Variants in CYP39A1 observed in about 807,000 individuals in gnomAD.
CYP39A1 encodes 24-hydroxycholesterol 7-alpha-hydroxylase.
CYP39A1 carries 49 observed loss-of-function variants against 58.1 expected under a neutral mutation model. The observed-to-expected ratio is 0.84, with a 90% CI of 0.67 to 1.07. The LOEUF (loss-of-function observed/expected upper bound fraction) is 1.07. CYP39A1 is among the 50% of genes least tolerant of loss of function. The probability of loss-of-function intolerance (pLI) is 0.00; values close to 1 mark genes in which losing one functional copy is unlikely to be tolerated. For synonymous variants in CYP39A1, 209 were observed against 187.6 expected, an observed-to-expected ratio of 1.11 and a Z score of -0.93; for missense variants, 531 against 539.4, an observed-to-expected ratio of 0.98 and a Z score of 0.16.
chr6:46,552,352 C>T (rs900249098), intron 11 of CYP39A1, among the ~76,000 whole-genome samples: 4 of 152,112 alleles, frequency 2.6e-5, no homozygotes, highest in Admixed American at 6.6e-5. Context: ...TTTTGAGTTC[C>T]CTTTCATTGT....
In CYP39A1 at chr6:46,652,816, T is replaced by C. The variant is rs1762789617; in HGVS notation, c.-234A>G. 6.1e-6 allele frequency: 3 copies of C among 495,758 alleles called. No individual in the cohort carries two copies. Among genetic ancestry groups the C allele is most frequent in the Non-Finnish European group, 7.0e-6 (2 of 285,126 alleles). The allele number at this position is 495,758 out of a possible 1,614,324, so 30.7% of individuals were successfully genotyped here. On this transcript the variant is annotated 5_prime_UTR_variant, in exon 1 of 12. Transcript: ENST00000275016. ...TGAATCTCAGCCAGCGCGGAAAAAATGCAAGGAGGGGCAGGGCCGGGCTAG... is the reference window on the plus strand; with the variant it reads ...TGAATCTCAGCCAGCGCGGAAAAAACGCAAGGAGGGGCAGGGCCGGGCTAG...
intron 10 of CYP39A1, among the ~76,000 whole-genome samples, chr6:46,586,823 C>G (rs1460268666): frequency 3.3e-5 from 5 of 152,132 alleles, no homozygotes; most frequent in African/African-American, 1.2e-4. Flanking sequence ...CAATTTGAAC[C>G]ATAAACGCTG....
chr6:46,554,029 TC>T (rs1770545374), intron 10 of CYP39A1, among the ~76,000 whole-genome samples, 175 bp from the exon 11 acceptor site: 1 of 152,150 alleles, frequency 6.6e-6, no homozygotes, highest in Admixed American at 6.5e-5. Flanking sequence ...TACCACCTAC[TC>T]CATAGGGTAG....
Position 46,625,495 on chromosome 6 carries a change from G to A in CYP39A1, c.854C>T (p.Thr285Ile), listed in dbSNP as rs142889568. 5.0e-6 allele frequency: 8 copies of A among 1,607,592 alleles called. No individual in the cohort carries two copies. The highest frequency in any genetic ancestry group is 1.7e-5 in the Admixed American group (1 of 59,538). The change falls in exon 7 of 12, where the codon ACA becomes ATA. Residue 285 changes from threonine to isoleucine, a missense_variant. By Grantham distance (89) the Thr-to-Ile change is moderately conservative (BLOSUM62 -1). Coordinates refer to ENST00000275016, the MANE Select transcript of CYP39A1 (RefSeq NM_016593.5). ...AGGATGAGAAAGGACGTATGCAAGT[G>A]TCCAAAATGCAACCTTAAAAAGAAA... ...LSNAVPVAFW[T>I]LAYVLSHPDI...
rs974950972 is a variant in CYP39A1 at position 46,570,401 on chromosome 6, C to A, written c.1251-16547G>T. Among the ~76,000 whole-genome samples, 4 of 151,984 alleles carry A rather than the reference C, an allele frequency of 2.6e-5. No homozygotes were observed. In the South Asian group the frequency reaches 8.3e-4, roughly 32 times the overall value. On this transcript the variant is annotated intron_variant, in intron 10 of 11. Coordinates refer to ENST00000275016, the MANE Select transcript of CYP39A1 (RefSeq NM_016593.5). The stretch of plus-strand genomic sequence containing the variant: ...TTCATTTGTTCTTCTTTATCTAGTT[C>A]CTTGAGGTGTAAATTTACATTGTTT...
rs114242378 is a variant in CYP39A1 at position 46,635,145 on chromosome 6, T to C, written c.732+1244A>G. Among the ~76,000 whole-genome samples, 767 of 152,352 alleles carry C rather than the reference T, an allele frequency of 5.0e-3. 7 individuals carry two copies. The highest frequency in any genetic ancestry group is 0.018 in the African/African-American group (732 of 41,596). ...AGCTGTTTGTGATAATATTTGCTAT[T>C]TAACTAAAAACAAACAAAAACTTTT... On this transcript the variant is annotated intron_variant, in intron 5 of 11. Coordinates refer to ENST00000275016, the MANE Select transcript of CYP39A1 (RefSeq NM_016593.5).
At chr6:46,645,023 A>G (rs1051713468) in intron 1 of CYP39A1, among the ~76,000 whole-genome samples, 4 of 152,100 alleles carry the variant, frequency 2.6e-5, no homozygotes, top group Admixed American at 2.6e-4. Flanking sequence ...AGTTCTTTAT[A>G]TATTCTAGAT....
chr6:46,554,297 T>C (rs969710474), intron 10 of CYP39A1, among the ~76,000 whole-genome samples: 2 of 152,228 alleles, frequency 1.3e-5, no homozygotes, highest in African/African-American at 4.8e-5. Context: ...GCTACTATAC[T>C]GGACAGTGTA....
intron 7 of CYP39A1, among the ~76,000 whole-genome samples, chr6:46,620,800 T>C (rs982470331): frequency 6.6e-6 from 1 of 152,140 alleles, no homozygotes; most frequent in Non-Finnish European, 1.5e-5. Flanking sequence ...TAAAGAAATA[T>C]CTGTCTAGTT....
intron 10 of CYP39A1, among the ~76,000 whole-genome samples, chr6:46,563,557 A>G (rs1176416108): frequency 6.6e-6 from 1 of 152,208 alleles, no homozygotes; most frequent in South Asian, 2.1e-4. Context: ...ACACAATGCT[A>G]GCAATGCACA....
At chr6:46,564,261 G>A (rs1054808839) in intron 10 of CYP39A1, among the ~76,000 whole-genome samples, 7 of 149,840 alleles carry the variant, frequency 4.7e-5, no homozygotes, top group African/African-American at 7.4e-5. Context: ...GTGTGATCTC[G>A]GCTCACTGCA....
At chr6:46,633,905 A>G (rs1775807394) in intron 5 of CYP39A1, among the ~76,000 whole-genome samples, 1 of 152,210 alleles carries the variant, frequency 6.6e-6, no homozygotes, top group Admixed American at 6.5e-5. Context: ...CAAACACACA[A>G]GCTCAGTGTG....
At chr6:46,566,466 G>T (rs1211090915) in intron 10 of CYP39A1, among the ~76,000 whole-genome samples, 1 of 152,094 alleles carries the variant, frequency 6.6e-6, no homozygotes, top group Non-Finnish European at 1.5e-5. Context: ...AGCAAAGGGG[G>T]AATAGTCCTT....
intron 10 of CYP39A1, among the ~76,000 whole-genome samples, chr6:46,562,714 T>C (rs1771049010): frequency 6.6e-6 from 1 of 152,030 alleles, no homozygotes; most frequent in African/African-American, 2.4e-5. Flanking sequence ...ACAGAATGAA[T>C]AATAAAAAAT....
intron 7 of CYP39A1, among the ~76,000 whole-genome samples, chr6:46,616,043 TTTC>T (rs1315300794): frequency 1.2e-5 from 1 of 81,816 alleles, no homozygotes; most frequent in Non-Finnish European, 2.6e-5. Flanking sequence ...TTTCCTCCTC[TTTC>T]TTTTCTTTTC....
chr6:46,607,349 A>G (rs1773910197), intron 7 of CYP39A1, among the ~76,000 whole-genome samples: 1 of 151,800 alleles, frequency 6.6e-6, no homozygotes, highest in South Asian at 2.1e-4. Flanking sequence ...TTAATCACAA[A>G]AATTTCTTGG....
intron 7 of CYP39A1, among the ~76,000 whole-genome samples, chr6:46,602,689 CAAAAAAAAAAAAA>C (rs35833432): frequency 4.3e-5 from 2 of 46,894 alleles, no homozygotes; most frequent in Admixed American, 2.4e-4. Context: ...GTGCACGTCT[CAAAAAAAAAAAAA>C]AAAAAAAAAA....
chr6:46,580,162 A>G (rs1352884645), intron 10 of CYP39A1, among the ~76,000 whole-genome samples: 2 of 152,198 alleles, frequency 1.3e-5, no homozygotes, highest in Non-Finnish European at 2.9e-5. Context: ...AGACATATGG[A>G]CCAATGGAAC....
rs527515743 is a variant in CYP39A1, at chr6:46,642,061, C to T, written c.313+102G>A. The T allele has an allele frequency of 1.0e-4, 122 of 1,219,844 alleles. 2 individuals are homozygous for T. In the South Asian group the frequency reaches 1.5e-3, roughly 15 times the overall value. The allele number at this position is 1,219,844 out of a possible 1,614,324, so 75.6% of individuals were successfully genotyped here. On this transcript the variant is annotated intron_variant, in intron 2 of 11. Coordinates refer to ENST00000275016, the MANE Select transcript of CYP39A1 (RefSeq NM_016593.5). ...TACCTCAAGAATAAAATAATGGACC[C>T]TCATCATTCTTGATAGAGGAATGAG...
Sources: gnomAD v4.1 joint callset for allele counts (sites outside exome capture counted in the v4.1 genomes callset) on GRCh38, gnomAD v4.1.1 for gene constraint, MANE v1.5 for transcripts, NCBI Gene and HGNC (gene_info 2026-07-23, HGNC 2026-07-21) for gene names.